Variants in ITGB1BP1 observed in about 807,000 individuals in gnomAD.
ITGB1BP1 encodes the protein integrin subunit beta 1 binding protein 1.
A neutral mutation model predicts 28.0 loss-of-function variants in ITGB1BP1; 20 were observed. That is an observed-to-expected ratio of 0.71 (90% confidence interval 0.50 to 1.04). The LOEUF (loss-of-function observed/expected upper bound fraction) is 1.04, where lower values mean the gene tolerates loss of function less well. Ranked by LOEUF, ITGB1BP1 falls within the 50% of genes least tolerant of loss-of-function variation. The pLI is 0.00. For synonymous variants in ITGB1BP1, 103 were observed against 89.5 expected (o/e 1.15, Z -0.85); for missense variants, 228 against 242.5 (o/e 0.94, Z 0.40).
intron 5 of ITGB1BP1, chr2:9,407,900 G>T (rs542986076): frequency 3.0e-5 from 17 of 569,308 alleles, no homozygotes; most frequent in African/African-American, 2.4e-4. Context: ...TTGGGGGTGG[G>T]GGGGGCAGGT....
chr2:9,410,330 C>T (rs1678191930), intron 4 of ITGB1BP1, among the ~76,000 whole-genome samples: 2 of 152,082 alleles, frequency 1.3e-5, no homozygotes, highest in Admixed American at 1.3e-4. Context: ...TTCCTGGGCT[C>T]AAGGAATCCC....
intron 6 of ITGB1BP1, chr2:9,407,177 C>G: frequency 3.3e-6 from 2 of 599,614 alleles, no homozygotes; most frequent in East Asian, 5.5e-5. Flanking sequence ...ATGGAAGAAG[C>G]CTTCGGCCCC....
chr2:9,406,134 AGTGTGTGTTTGTC>A lies in ITGB1BP1; in HGVS notation c.*687_*699del, dbSNP rs1431196928. 1.8e-3 allele frequency: 41 copies of A among 22,818 alleles called. No homozygotes were observed. The highest frequency in any genetic ancestry group is 9.0e-3 in the African/African-American group (31 of 3,458). 1.4% of individuals were successfully genotyped at this position (22,818 alleles called of 1,614,324 possible). A position where few individuals can be genotyped will look rare whatever the true frequency, so the allele number is the denominator to read the frequency against. The stretch of plus-strand genomic sequence containing the variant: ...GACATCTCGTCTTCCTCAGGCCTTC[AGTGTGTGTTTGTC>A]ACTGAGTGGACCTCTGTGACATCTA... On this transcript the variant is annotated 3_prime_UTR_variant, in exon 7 of 7. Transcript: ENST00000355346.
chr2:9,413,653 G>A (rs1408986162), intron 3 of ITGB1BP1, among the ~76,000 whole-genome samples: 2 of 151,832 alleles, frequency 1.3e-5, no homozygotes, highest in Admixed American at 6.6e-5. Context: ...TACTAATTTC[G>A]GGCAGCTGCA....
At chr2:9,418,802 A>G in intron 1 of ITGB1BP1, 70 bp from the exon 2 acceptor site, 1 of 1,082,374 alleles carries the variant, frequency 9.2e-7, no homozygotes, top group Non-Finnish European at 1.4e-6. Flanking sequence ...TTTAAGAGAC[A>G]GAGTCTTGCT....
In ITGB1BP1 at chr2:9,405,445, G is replaced by A. The variant is rs1162983506; in HGVS notation, c.*1389C>T. The A allele has an allele frequency of 6.6e-6, 1 of 152,618 alleles. No individual in the cohort carries two copies. Among genetic ancestry groups the A allele is most frequent in the East Asian group, 1.9e-4 (1 of 5,192 alleles). 9.5% of individuals were successfully genotyped at this position (152,618 alleles called of 1,614,324 possible). A position where few individuals can be genotyped will look rare whatever the true frequency, so the allele number is the denominator to read the frequency against. On this transcript the variant is annotated 3_prime_UTR_variant, in exon 7 of 7. Transcript: ENST00000355346. ...CAGACTAAGAGTAACTGTGTGATCT[G>A]TTAAGGGGTGGATAACATAATATGC...
chr2:9,407,685 C>G (rs1314910467), intron 5 of ITGB1BP1, 87 bp from the exon 6 acceptor site: 2 of 1,442,096 alleles, frequency 1.4e-6, no homozygotes, highest in African/African-American at 1.4e-5. Flanking sequence ...CAGAGTGAGG[C>G]TTGAAACAGC....
intron 1 of ITGB1BP1, chr2:9,422,718 A>G: frequency 1.0e-6 from 1 of 985,608 alleles, no homozygotes. Context: ...ACACCCCAAC[A>G]GCGATTCCCA....
In ITGB1BP1 at chr2:9,423,464, C is replaced by G. The variant is rs1346795610; in HGVS notation, c.-127G>C. On this transcript the variant is annotated 5_prime_UTR_variant, in exon 1 of 7. Transcript: ENST00000355346. ...GGCGCCCAGGCAGCTACTCCCGTTC[C>G]CGCTCCAGCGCCGGCTTTTCCAGCC... 76 of 1,176,828 alleles carry G rather than the reference C, an allele frequency of 6.5e-5. No homozygotes were observed. Among genetic ancestry groups the G allele is most frequent in the Non-Finnish European group, 7.8e-5 (74 of 943,414 alleles). 72.9% of individuals were successfully genotyped at this position (1,176,828 alleles called of 1,614,324 possible).
At chr2:9,419,708 A>G (rs2148911393) in intron 1 of ITGB1BP1, among the ~76,000 whole-genome samples, 1 of 152,340 alleles carries the variant, frequency 6.6e-6, no homozygotes. Flanking sequence ...GAAGCTGCAC[A>G]GCTCACAGAA....
At chr2:9,411,732 A>G (rs867208546) in intron 4 of ITGB1BP1, among the ~76,000 whole-genome samples, 5 of 149,806 alleles carry the variant, frequency 3.3e-5, no homozygotes, top group African/African-American at 1.2e-4. Flanking sequence ...CAAAAAAAAA[A>G]AGAAAAACAA....
chr2:9,414,109 T>C (rs2148892599), intron 3 of ITGB1BP1, 69 bp downstream of exon 3: 1 of 1,263,716 alleles, frequency 7.9e-7, no homozygotes, highest in South Asian at 1.2e-5. Context: ...CTCATTGTGC[T>C]ACCCCAGTAA....
intron 5 of ITGB1BP1, 90 bp from the exon 6 acceptor site, chr2:9,407,688 G>A (rs1677717711): frequency 3.5e-6 from 5 of 1,420,826 alleles, no homozygotes; most frequent in East Asian, 4.7e-5. Flanking sequence ...AGTGAGGCTT[G>A]AAACAGCATA....
intron 1 of ITGB1BP1, among the ~76,000 whole-genome samples, chr2:9,419,368 G>T (rs1441847695): frequency 6.6e-6 from 1 of 152,146 alleles, no homozygotes; most frequent in Non-Finnish European, 1.5e-5. Context: ...TGGCTTTTCA[G>T]TCGAGATACT....
chr2:9,423,487 G>C lies in ITGB1BP1; in HGVS notation c.-150C>G, dbSNP rs751668444. 1.7e-6 allele frequency: 2 copies of C among 1,192,778 alleles called. No homozygotes were observed. Among genetic ancestry groups the C allele is most frequent in the African/African-American group, 3.3e-5 (2 of 61,538 alleles). 73.9% of individuals were successfully genotyped at this position (1,192,778 alleles called of 1,614,324 possible). ...TCCCGCTCCAGCGCCGGCTTTTCCA[G>C]CCCTCCTGCCCACGTCCGCCGGGCC... On this transcript the variant is annotated 5_prime_UTR_variant, in exon 1 of 7. Transcript: ENST00000355346.
At chr2:9,417,927 T>A (rs1310630389) in intron 2 of ITGB1BP1, among the ~76,000 whole-genome samples, 1 of 152,232 alleles carries the variant, frequency 6.6e-6, no homozygotes, top group Non-Finnish European at 1.5e-5. Context: ...CTCTATTTTA[T>A]GCCCCTTAAA....
At chr2:9,421,118 T>C (rs2148916940) in intron 1 of ITGB1BP1, among the ~76,000 whole-genome samples, 1 of 152,344 alleles carries the variant, frequency 6.6e-6, no homozygotes, top group South Asian at 2.1e-4. Flanking sequence ...GATACTTAAG[T>C]ATATATAAAT....
intron 6 of ITGB1BP1, 117 bp from the exon 7 acceptor site, chr2:9,407,022 A>T (rs1677515277): frequency 1.3e-6 from 1 of 760,502 alleles, no homozygotes; most frequent in Non-Finnish European, 2.3e-6. Context: ...CAAGCCGACC[A>T]CACATGCCTG....
In ITGB1BP1 at chr2:9,405,262, T is replaced by C. The variant is rs1677120700; in HGVS notation, c.*1572A>G. On this transcript the variant is annotated 3_prime_UTR_variant, in exon 7 of 7. Transcript: ENST00000355346. The stretch of plus-strand genomic sequence containing the variant: ...CTGCTAATATCCTTTCTTAGTTATT[T>C]GCTCCTTGCAAATTAAAAAAGCAAC... 1 of 152,266 alleles carries C rather than the reference T, an allele frequency of 6.6e-6. No homozygotes were observed. Among genetic ancestry groups the C allele is most frequent in the Non-Finnish European group, 1.5e-5 (1 of 68,042 alleles). The allele number at this position is 152,266 out of a possible 1,614,324, so 9.4% of individuals were successfully genotyped here. A position where few individuals can be genotyped will look rare whatever the true frequency, so the allele number is the denominator to read the frequency against.
Sources: allele counts gnomAD v4.1 joint callset (sites outside exome capture counted in the v4.1 genomes callset), GRCh38; gene constraint gnomAD v4.1.1; transcripts MANE v1.5; gene names NCBI Gene and HGNC (gene_info 2026-07-23, HGNC 2026-07-21).